The following NBEAL1 variants were observed in gnomAD, a reference collection of about 807,000 sequenced individuals.
NBEAL1 encodes the protein neurobeachin-like protein 1.
A neutral mutation model predicts 351.3 loss-of-function variants in NBEAL1; 273 were observed. The observed-to-expected ratio is 0.78, with a 90% confidence interval of 0.70 to 0.86. NBEAL1 has a LOEUF of 0.86. NBEAL1 is among the 40% of genes least tolerant of loss of function. NBEAL1 has a pLI of 0.00. For synonymous variants in NBEAL1, 1,050 were observed against 1,086.4 expected (o/e 0.97, Z 0.66); for missense variants, 2,961 against 3,201.3 (o/e 0.92, Z 1.81).
chr2:203,163,581 C>T (rs1475262895), intron 36 of NBEAL1, among the ~76,000 whole-genome samples: 1 of 152,134 alleles, frequency 6.6e-6, no homozygotes, highest in Non-Finnish European at 1.5e-5. Flanking sequence ...ATCCTTCCTC[C>T]TTCATCCTCC....
chr2:203,088,158 C>G (rs984005990), intron 10 of NBEAL1, among the ~76,000 whole-genome samples: 13 of 152,042 alleles, frequency 8.6e-5, no homozygotes, highest in African/African-American at 3.1e-4. Context: ...ATATAAACTC[C>G]AATGGGAGAC....
At chr2:203,127,695 C>G in intron 23 of NBEAL1, 86 bp from the exon 24 acceptor site, 1 of 815,402 alleles carries the variant, frequency 1.2e-6, no homozygotes, top group East Asian at 3.3e-5. Flanking sequence ...GCACTCCAGC[C>G]TGGGCAACAG....
intron 38 of NBEAL1, 58 bp downstream of exon 38, chr2:203,167,418 A>G (rs2064169711): frequency 2.7e-6 from 4 of 1,498,118 alleles, no homozygotes; most frequent in Non-Finnish European, 9.0e-7. Flanking sequence ...GTTTCCAGCT[A>G]GTGAGCTCTA....
intron 6 of NBEAL1, among the ~76,000 whole-genome samples, chr2:203,063,548 A>T (rs1574916991): frequency 6.6e-6 from 1 of 151,774 alleles, no homozygotes; most frequent in South Asian, 2.1e-4. Context: ...AGGAGAAGAG[A>T]AGTGAGAGAA....
At position 203,057,047 on chromosome 2, in the gene NBEAL1, A is replaced by G. The variant is rs184366986; in HGVS notation, c.388-279A>G. ...TTTAATTTAAAAATTTAAGTGTTTT[A>G]TAAATGGCTTTTAAAATGATACAAT... On this transcript the variant is annotated intron_variant, in intron 5 of 55. Transcript: ENST00000683969. Among the ~76,000 whole-genome samples, 176 of 152,328 alleles carry G rather than the reference A, an allele frequency of 1.2e-3. 1 individual carries two copies. The highest frequency in any genetic ancestry group is 2.0e-3 in the Non-Finnish European group (139 of 68,034).
At chr2:203,040,920 C>A in intron 2 of NBEAL1, 1 of 360,748 alleles carries the variant, frequency 2.8e-6, no homozygotes, top group South Asian at 2.4e-5. Context: ...TTTGAAAGCA[C>A]AGTGCAGTGG....
At chr2:203,112,928 T>G in intron 16 of NBEAL1, 87 bp from the exon 17 acceptor site, 1 of 1,205,942 alleles carries the variant, frequency 8.3e-7, no homozygotes, top group Non-Finnish European at 1.1e-6. Context: ...TTTGTGTAAT[T>G]TTATGTACTA....
chr2:203,216,145 C>T (rs191547742), intron 55 of NBEAL1, among the ~76,000 whole-genome samples: 75 of 152,096 alleles, frequency 4.9e-4, no homozygotes, highest in Non-Finnish European at 6.9e-4. Context: ...TATTCATTCA[C>T]TGATTTAATT....
chr2:203,083,143 A>G, intron 8 of NBEAL1, 76 bp from the exon 9 acceptor site: 2 of 1,307,452 alleles, frequency 1.5e-6, no homozygotes, highest in East Asian at 2.5e-5. Context: ...CTGCAGATGT[A>G]TTAAATTCTC....
chr2:203,083,333 C>G lies in NBEAL1; in HGVS notation c.799C>G (p.Leu267Val). The change falls in exon 9 of 56, where the codon CTA becomes GTA. Residue 267 changes from leucine (L) to valine (V), a missense_variant. Leu to Val is a conservative substitution (Grantham distance 32). Coordinates refer to ENST00000683969, the MANE Select transcript of NBEAL1 (RefSeq NM_001378026.1). Reference protein sequence around the residue: ...DPEEVGRKAELTLKCLTEVVH... With the variant: ...DPEEVGRKAEVTLKCLTEVVH... ...TGAAGAAGTGGGTAGGAAGGCAGAA[C>G]TAACTCTGAAGTGCCTTACAGAAGT... The G allele has an allele frequency of 6.4e-7, 1 of 1,554,014 alleles. No homozygotes were observed. The highest frequency in any genetic ancestry group is 8.7e-7 in the Non-Finnish European group (1 of 1,147,612).
intron 41 of NBEAL1, among the ~76,000 whole-genome samples, chr2:203,174,061 G>T (rs1348841542): frequency 6.6e-6 from 1 of 150,748 alleles, no homozygotes; most frequent in Non-Finnish European, 1.5e-5. Context: ...TAATAATCTG[G>T]TTTAGGCCTT....
chr2:203,034,157 T>C (rs1243310537), intron 2 of NBEAL1, among the ~76,000 whole-genome samples: 1 of 151,008 alleles, frequency 6.6e-6, no homozygotes, highest in Non-Finnish European at 1.5e-5. Flanking sequence ...GGTTGGCCTG[T>C]ACTTTTTTTT....
intron 41 of NBEAL1, among the ~76,000 whole-genome samples, chr2:203,174,576 A>T (rs564152057): frequency 6.6e-6 from 1 of 152,094 alleles, no homozygotes; most frequent in South Asian, 2.1e-4. Context: ...TCTACAATGA[A>T]CATGTATTAT....
intron 10 of NBEAL1, among the ~76,000 whole-genome samples, chr2:203,090,361 T>C (rs2062040327): frequency 1.3e-5 from 2 of 152,148 alleles, no homozygotes; most frequent in Non-Finnish European, 2.9e-5. Flanking sequence ...TTCCTACCTT[T>C]TGGAGTCTCC....
Position 203,175,234 on chromosome 2 carries a change from T to C in NBEAL1, c.6411T>C (p.Tyr2137=), listed in dbSNP as rs1336202873. The change falls in exon 42 of 56, where the codon TAT becomes TAC. Residue 2137 remains tyrosine (Y), a synonymous_variant. Coordinates refer to ENST00000683969, the MANE Select transcript of NBEAL1 (RefSeq NM_001378026.1). ...HYSNSAGVMH[Y]LIRVEPFTTL... ...CAAATTCTGCGGGGGTCATGCACTA[T>C]CTCATTCGTGTAGAACCGTTCACCA... The C allele has an allele frequency of 6.2e-7, 1 of 1,614,022 alleles. No homozygotes were observed. The highest frequency in any genetic ancestry group is 1.7e-5 in the Admixed American group (1 of 60,012).
rs375978228 is a variant in NBEAL1, at chr2:203,208,696, C to T, written c.7566C>T (p.Asn2522=). The change falls in exon 52 of 56, where the codon AAC becomes AAT. Residue 2522 remains asparagine, a synonymous_variant. Coordinates refer to ENST00000683969, the MANE Select transcript of NBEAL1 (RefSeq NM_001378026.1). ...KPFQILYGHT[N]EVLSVGISTE... The stretch of plus-strand genomic sequence containing the variant: ...TTCAGATTCTTTATGGACACACCAA[C>T]GAGGTACTGAGTGTCGGCATCAGCA... The T allele has an allele frequency of 7.4e-6, 12 of 1,612,510 alleles. No individual in the cohort carries two copies. In the African/African-American group the frequency reaches 8.0e-5, roughly 11 times the overall value.
intron 6 of NBEAL1, among the ~76,000 whole-genome samples, chr2:203,066,814 G>A (rs1385551076): frequency 6.7e-6 from 1 of 149,760 alleles, no homozygotes; most frequent in East Asian, 2.0e-4. Flanking sequence ...CTTCCCAGAA[G>A]GGGTGGTTGC....
At chr2:203,074,184 TA>T (rs1037831870) in intron 7 of NBEAL1, among the ~76,000 whole-genome samples, 2 of 152,188 alleles carry the variant, frequency 1.3e-5, no homozygotes, top group African/African-American at 2.4e-5. Flanking sequence ...TATTTCAAAA[TA>T]CCATGTTGTT....
Position 203,166,168 on chromosome 2 carries a change from G to A in NBEAL1, c.5734G>A (p.Asp1912Asn). ...RVNVDEKEEQ[D>N]QKEKLVLMED... is the part of the protein sequence containing the mutation. ...TTACAGTGATGAGAAAGAAGAACAGGATCAAAAAGAAAAATTGGTATTGAT... is the reference window on the plus strand; with the variant it reads ...TTACAGTGATGAGAAAGAAGAACAGAATCAAAAAGAAAAATTGGTATTGAT... The change falls in exon 37 of 56, where the codon GAT becomes AAT. Residue 1912 changes from aspartate to asparagine, a missense_variant. Transcript: ENST00000683969. The A allele has an allele frequency of 6.3e-7, 1 of 1,582,992 alleles. No individual in the cohort carries two copies. Among genetic ancestry groups the A allele is most frequent in the Non-Finnish European group, 8.5e-7 (1 of 1,169,796 alleles).
Sources: allele counts gnomAD v4.1 joint callset (sites outside exome capture counted in the v4.1 genomes callset), GRCh38; gene constraint gnomAD v4.1.1; transcripts MANE v1.5; gene names NCBI Gene and HGNC (gene_info 2026-07-23, HGNC 2026-07-21).